The following CAMTA1 variants were observed in gnomAD, a reference collection of about 807,000 sequenced individuals.
CAMTA1 encodes calmodulin-binding transcription activator 1.
In CAMTA1, 27 loss-of-function variants were observed where a neutral mutation model predicts 170.9. That is an observed-to-expected ratio of 0.16 (90% CI 0.12 to 0.22). The LOEUF (loss-of-function observed/expected upper bound fraction) is 0.22, where lower values mean the gene tolerates loss of function less well. CAMTA1 is among the 10% of genes least tolerant of loss of function. The pLI is 1.00. For missense variants in CAMTA1, 1,619 were observed against 2,217.2 expected (o/e 0.73, Z 5.42); for synonymous variants, 833 against 891.5 (o/e 0.93, Z 1.17).
chr1:6,916,380 C>T (rs1395057798), intron 3 of CAMTA1, among the ~76,000 whole-genome samples: 1 of 152,200 alleles, frequency 6.6e-6, no homozygotes, highest in African/African-American at 2.4e-5. Context: ...GGCCGAGTTC[C>T]TGTAAGGCCC....
chr1:6,926,635 C>G (rs1683327889), intron 3 of CAMTA1, among the ~76,000 whole-genome samples: 1 of 145,790 alleles, frequency 6.9e-6, no homozygotes, highest in African/African-American at 2.5e-5. Context: ...CTCCCCTCCT[C>G]TTCTTCTTTC....
chr1:7,597,795 A>G (rs1250395563), intron 6 of CAMTA1, among the ~76,000 whole-genome samples: 1 of 152,130 alleles, frequency 6.6e-6, no homozygotes, highest in Admixed American at 6.5e-5. Flanking sequence ...CTGCTTACCC[A>G]AAGTCTAGTG....
intron 3 of CAMTA1, among the ~76,000 whole-genome samples, chr1:6,853,981 G>A (rs564233294): frequency 5.9e-5 from 9 of 152,242 alleles, no homozygotes; most frequent in South Asian, 2.1e-4. Context: ...TTAATATACC[G>A]TCTTCATTAA....
rs561585827 is a variant in CAMTA1 at position 7,243,345 on chromosome 1, G to A, written c.303-6146G>A. Reference sequence around the variant, plus strand: ...AGATTAACTTGGGTTTTCTTCTAGGGTTTTTATGGTTTTAGGTCTAACATA... The same window carrying A: ...AGATTAACTTGGGTTTTCTTCTAGGATTTTTATGGTTTTAGGTCTAACATA... On this transcript the variant is annotated intron_variant, in intron 4 of 22. Coordinates refer to ENST00000303635, the MANE Select transcript of CAMTA1 (RefSeq NM_015215.4). Among the ~76,000 whole-genome samples, 11 of 152,276 alleles carry A rather than the reference G, an allele frequency of 7.2e-5. No individual in the cohort carries two copies. The East Asian group carries it at 1.9e-3, about 27-fold the overall frequency.
At chr1:7,740,629 CAT>C (rs2096804956) in intron 16 of CAMTA1, among the ~76,000 whole-genome samples, 1 of 152,208 alleles carries the variant, frequency 6.6e-6, no homozygotes. Flanking sequence ...CTTGGTGCCA[CAT>C]GTGGAATCGG....
chr1:7,278,846 A>G (rs1671106891), intron 5 of CAMTA1, among the ~76,000 whole-genome samples: 1 of 152,170 alleles, frequency 6.6e-6, no homozygotes, highest in Non-Finnish European at 1.5e-5. Flanking sequence ...GTATGAAAAA[A>G]CTGTGATTAC....
chr1:7,722,370 G>A (rs933024694), intron 11 of CAMTA1, among the ~76,000 whole-genome samples: 1 of 152,204 alleles, frequency 6.6e-6, no homozygotes, highest in Admixed American at 6.5e-5. Context: ...TGTGCTGTGT[G>A]ACACTTCGTG....
At chr1:7,185,618 T>C (rs2148911767) in intron 4 of CAMTA1, among the ~76,000 whole-genome samples, 1 of 152,320 alleles carries the variant, frequency 6.6e-6, no homozygotes, top group African/African-American at 2.4e-5. Flanking sequence ...ATTGAAGAAA[T>C]ATAGCAGACA....
intron 6 of CAMTA1, among the ~76,000 whole-genome samples, chr1:7,535,337 G>T (rs2094536931): frequency 6.6e-6 from 1 of 152,176 alleles, no homozygotes; most frequent in African/African-American, 2.4e-5. Context: ...CCCAGGGAGT[G>T]CCGCCCGCCT....
At chr1:7,126,647 T>G (rs1011698927) in intron 4 of CAMTA1, among the ~76,000 whole-genome samples, 1 of 152,226 alleles carries the variant, frequency 6.6e-6, no homozygotes. Flanking sequence ...GAACTTACTA[T>G]GCTTTTAACA....
rs987642690 is a variant in CAMTA1 at position 7,506,568 on chromosome 1, A to G, written c.510+38667A>G. ...TGTACACATGCTCACAAGCTCACTC[A>G]AAATTCACACGCACACTCACACGCT... On this transcript the variant is annotated intron_variant, in intron 6 of 22. Coordinates refer to ENST00000303635, the MANE Select transcript of CAMTA1 (RefSeq NM_015215.4). Among the ~76,000 whole-genome samples, 5 of 152,238 alleles carry G rather than the reference A, an allele frequency of 3.3e-5. 1 individual carries two copies. The Middle Eastern group carries it at 0.017, about 518-fold the overall frequency.
intron 5 of CAMTA1, among the ~76,000 whole-genome samples, chr1:7,370,914 C>CTTTTTTTTTTTTTTTTTTTTTT (rs61387662): frequency 2.5e-4 from 28 of 110,010 alleles, no homozygotes; most frequent in Non-Finnish European, 3.9e-4. Context: ...TTCTTTCTTT[C>CTTTTTTTTTTTTTTTTTTTTTT]TTTTTTTTTT....
intron 3 of CAMTA1, among the ~76,000 whole-genome samples, chr1:6,901,437 A>G (rs558037503): frequency 6.6e-6 from 1 of 152,330 alleles, no homozygotes. Flanking sequence ...TAGATAATGA[A>G]AAAACAAGCC....
chr1:6,915,247 T>C (rs1156957569), intron 3 of CAMTA1, among the ~76,000 whole-genome samples: 1 of 152,184 alleles, frequency 6.6e-6, no homozygotes, highest in Non-Finnish European at 1.5e-5. Context: ...TTTATGAAGG[T>C]TTCAGAGATT....
chr1:6,896,987 T>C (rs1200036944), intron 3 of CAMTA1, among the ~76,000 whole-genome samples: 1 of 152,198 alleles, frequency 6.6e-6, no homozygotes, highest in Non-Finnish European at 1.5e-5. Context: ...TGGACCTTTT[T>C]AGAACTGAGA....
In CAMTA1 at chr1:7,144,343, G is replaced by A. The variant is rs989251088; in HGVS notation, c.302+52972G>A. Among the ~76,000 whole-genome samples the A allele has an allele frequency of 2.0e-5, 3 of 152,052 alleles. No individual in the cohort carries two copies. The highest frequency in any genetic ancestry group is 2.9e-5 in the Non-Finnish European group (2 of 68,016). On this transcript the variant is annotated intron_variant, in intron 4 of 22. Transcript: ENST00000303635. This position sits in a 1 kb window ranked among gnomAD's most constrained non-coding sequence, Gnocchi z 4.0. ...AGAGCGAAAGAGAGAGTCTCTTTTC[G>A]TTCTAAGGCCACCAATTCTATTGGA...
intron 5 of CAMTA1, among the ~76,000 whole-genome samples, chr1:7,363,826 T>G (rs1025729925): frequency 3.0e-4 from 46 of 152,148 alleles, no homozygotes; most frequent in African/African-American, 1.1e-3. Flanking sequence ...TAAGCATTTG[T>G]AGATCTGCCC....
rs758815407 is a variant in CAMTA1, at chr1:7,641,197, GCTT to G, written c.664+647_664+649del. On this transcript the variant is annotated intron_variant, in intron 7 of 22. Transcript: ENST00000303635. This position sits in a 1 kb window ranked among gnomAD's most constrained non-coding sequence, Gnocchi z 4.5. The stretch of plus-strand genomic sequence containing the variant: ...CGGCAGCCGCTGGCGGCTCTCAGTG[GCTT>G]CTCCTGCCCCCTGTTCAGCGGGGCT... Among the ~76,000 whole-genome samples the G allele has an allele frequency of 2.0e-5, 3 of 152,234 alleles. No individual in the cohort carries two copies. The highest frequency in any genetic ancestry group is 4.4e-5 in the Non-Finnish European group (3 of 68,044).
chr1:6,850,543 T>G (rs1484468307), intron 3 of CAMTA1, among the ~76,000 whole-genome samples: 1 of 152,216 alleles, frequency 6.6e-6, no homozygotes, highest in Admixed American at 6.5e-5. Context: ...TTGTTGGGCC[T>G]TATTTCCTGC....
Sources: gnomAD v4.1 joint callset for allele counts (sites outside exome capture counted in the v4.1 genomes callset) on GRCh38, gnomAD v4.1.1 for gene constraint, Gnocchi (gnomAD v3.1) non-coding constraint, MANE v1.5 for transcripts, NCBI Gene and HGNC (gene_info 2026-07-23, HGNC 2026-07-21) for gene names.